The following SNX9 variants were observed in gnomAD, a reference collection of about 807,000 sequenced individuals.
The protein encoded by SNX9 is sorting nexin 9.
SNX9 carries 44 observed loss-of-function variants against 89.4 expected under a neutral mutation model. That is an observed-to-expected ratio of 0.49 (90% CI 0.39 to 0.63). The LOEUF (loss-of-function observed/expected upper bound fraction) is 0.63. SNX9 is among the 30% of genes least tolerant of loss of function. SNX9 has a pLI of 0.00. For missense variants in SNX9, 578 were observed against 736.1 expected (o/e 0.79, Z 2.49); for synonymous variants, 236 against 247.8 (o/e 0.95, Z 0.45).
Position 157,896,842 on chromosome 6 carries a change from G to A in SNX9, c.316G>A (p.Asp106Asn), listed in dbSNP as rs529778152. ...SNNHQVGSGN[D>N]PWSAWSASKS... ...CTCTCAATAGGTTGGCAGTGGCAAT[G>A]ACCCCTGGTCAGCCTGGAGTGCCTC... Residue 106 changes from aspartate to asparagine, a missense_variant, in exon 5 of 18, where the codon GAC (aspartate) becomes AAC (asparagine). Transcript: ENST00000392185. 3.1e-6 allele frequency: 5 copies of A among 1,612,398 alleles called. No individual in the cohort carries two copies. The African/African-American group carries it at 6.7e-5, about 22-fold the overall frequency.
intron 1 of SNX9, among the ~76,000 whole-genome samples, chr6:157,842,059 A>G (rs891093199): frequency 6.6e-6 from 1 of 152,166 alleles, no homozygotes. Context: ...ATTTTAATAT[A>G]TATCTCCAAA....
intron 9 of SNX9, among the ~76,000 whole-genome samples, chr6:157,915,654 T>TATATATATATATATATACATAC (rs1783450735): frequency 8.2e-6 from 1 of 122,594 alleles, no homozygotes; most frequent in African/African-American, 3.3e-5. Context: ...TATATATATA[T>TATATATATATATATATACATAC]ATACACACAC....
intron 4 of SNX9, among the ~76,000 whole-genome samples, chr6:157,883,182 G>A (rs959347249): frequency 3.3e-5 from 5 of 152,146 alleles, no homozygotes; most frequent in African/African-American, 4.8e-5. Context: ...TCAGATGATC[G>A]TTAGCGATTT....
At chr6:157,868,768 A>G (rs540307675) in intron 2 of SNX9, among the ~76,000 whole-genome samples, 24 of 152,378 alleles carry the variant, frequency 1.6e-4, no homozygotes, top group African/African-American at 5.3e-4. Context: ...TTGCAGGCTT[A>G]TATAGATGGA....
At chr6:157,903,282 A>T (rs1783144829) in intron 6 of SNX9, among the ~76,000 whole-genome samples, 1 of 152,236 alleles carries the variant, frequency 6.6e-6, no homozygotes, top group Non-Finnish European at 1.5e-5. Context: ...CATTTGACAT[A>T]TATTTAGACA....
chr6:157,861,885 A>G (rs1782132289), intron 1 of SNX9, among the ~76,000 whole-genome samples: 1 of 152,220 alleles, frequency 6.6e-6, no homozygotes, highest in Admixed American at 6.5e-5. Flanking sequence ...ATTATTAAGT[A>G]AAATAAGGAT....
chr6:157,938,771 G>A, intron 16 of SNX9, 24 bp downstream of exon 16: 4 of 1,562,392 alleles, frequency 2.6e-6, no homozygotes, highest in Non-Finnish European at 3.5e-6. Context: ...GTCCTTATGA[G>A]GTGCTGGTGG....
At chr6:157,932,323 T>A in intron 13 of SNX9, 51 bp downstream of exon 13, 1 of 1,511,846 alleles carries the variant, frequency 6.6e-7, no homozygotes, top group Non-Finnish European at 9.2e-7. Flanking sequence ...TATGTAGACC[T>A]GTCACCTGCT....
intron 1 of SNX9, among the ~76,000 whole-genome samples, chr6:157,856,213 CT>C (rs1782008618): frequency 6.6e-6 from 1 of 152,158 alleles, no homozygotes; most frequent in Non-Finnish European, 1.5e-5. Context: ...CTAAGATTTT[CT>C]TTGGTGTTTT....
chr6:157,927,404 A>T (rs1471372133), intron 11 of SNX9, among the ~76,000 whole-genome samples, 190 bp downstream of exon 11: 4 of 152,182 alleles, frequency 2.6e-5, no homozygotes, highest in Non-Finnish European at 1.5e-5. Context: ...TAACCGCAAC[A>T]TCAAATTACA....
chr6:157,876,088 A>G (rs955798296), intron 4 of SNX9, among the ~76,000 whole-genome samples: 10 of 152,110 alleles, frequency 6.6e-5, no homozygotes, highest in African/African-American at 1.9e-4. Context: ...TTTTAACTAC[A>G]TAAAAGGTTT....
chr6:157,938,802 A>G (rs1317902134), intron 16 of SNX9, 55 bp downstream of exon 16: 1 of 1,350,118 alleles, frequency 7.4e-7, no homozygotes, highest in Non-Finnish European at 1.0e-6. Context: ...TTCCCCAGCA[A>G]AGTTTCCCTT....
Position 157,823,452 on chromosome 6 carries a change from G to GGGCGCGC in SNX9, c.12+12_12+18dup. 1 of 1,224,406 alleles carries GGGCGCGC rather than the reference G, an allele frequency of 8.2e-7. No homozygotes were observed. The highest frequency in any genetic ancestry group is 3.0e-5 in the South Asian group (1 of 33,506). The allele number at this position is 1,224,406 out of a possible 1,614,324, so 75.8% of individuals were successfully genotyped here. ...CGCCCGCCATGGCCACCAAGGTGAG[G>GGGCGCGC]GGCGCGCGGCGCAGGCCGGGCCGGT... is the stretch of plus-strand genomic sequence containing the variant. On this transcript the variant is annotated splice_region_variant and intron_variant, in intron 1 of 17. Coordinates refer to ENST00000392185, the MANE Select transcript of SNX9 (RefSeq NM_016224.5). The surrounding 1 kb of genome is among the most constrained non-coding windows in gnomAD (Gnocchi z 4.6).
chr6:157,925,693 G>A (rs941237252), intron 10 of SNX9, among the ~76,000 whole-genome samples: 2 of 152,068 alleles, frequency 1.3e-5, no homozygotes, highest in South Asian at 4.1e-4. Context: ...AGCAAAAGAA[G>A]CCAGGCACCA....
intron 15 of SNX9, among the ~76,000 whole-genome samples, chr6:157,938,379 T>C (rs2115220153): frequency 6.6e-6 from 1 of 152,358 alleles, no homozygotes; most frequent in South Asian, 2.1e-4. Flanking sequence ...GATGGTGTGC[T>C]GTTTGCTTTT....
chr6:157,918,752 G>A (rs1562618114), intron 9 of SNX9, among the ~76,000 whole-genome samples: 1 of 151,936 alleles, frequency 6.6e-6, no homozygotes, highest in Non-Finnish European at 1.5e-5. Context: ...AATTTTTGAA[G>A]TTATTTTCAT....
At chr6:157,824,586 T>A (rs1019653213) in intron 1 of SNX9, among the ~76,000 whole-genome samples, 2 of 152,186 alleles carry the variant, frequency 1.3e-5, no homozygotes, top group Admixed American at 6.5e-5. Flanking sequence ...ATGTGAAATC[T>A]CTTTGAAAGA....
intron 9 of SNX9, among the ~76,000 whole-genome samples, chr6:157,912,401 T>A (rs1465112631): frequency 1.3e-5 from 2 of 150,682 alleles, no homozygotes; most frequent in Non-Finnish European, 3.0e-5. Flanking sequence ...ACGGTTCTCC[T>A]TCCATACTAA....
Position 157,943,600 on chromosome 6 carries a change from C to G in SNX9, c.*762C>G, listed in dbSNP as rs1055327831. ...TCTCTCTTTGCACTTCCTTCCTAAT[C>G]TTGGTTAAGGCATGTTTTATGCCAT... On this transcript the variant is annotated 3_prime_UTR_variant, in exon 18 of 18. Coordinates refer to ENST00000392185, the MANE Select transcript of SNX9 (RefSeq NM_016224.5). 1.3e-5 allele frequency: 2 copies of G among 152,260 alleles called. No homozygotes were observed. The highest frequency in any genetic ancestry group is 2.4e-5 in the African/African-American group (1 of 41,448). The allele number at this position is 152,260 out of a possible 1,614,324, so 9.4% of individuals were successfully genotyped here.
Sources: allele counts gnomAD v4.1 joint callset (sites outside exome capture counted in the v4.1 genomes callset), GRCh38; gene constraint gnomAD v4.1.1; non-coding constraint Gnocchi (gnomAD v3.1); transcripts MANE v1.5; gene names NCBI Gene and HGNC (gene_info 2026-07-23, HGNC 2026-07-21).